Variants in VGLL3 observed in about 807,000 individuals in gnomAD.
VGLL3 encodes the protein vestigial like family member 3.
A neutral mutation model predicts 29.2 loss-of-function variants in VGLL3; 18 were observed. The ratio of observed to expected loss-of-function variants is 0.62; its 90% CI spans 0.43 to 0.91. VGLL3 has a LOEUF of 0.91. Ranked by LOEUF, VGLL3 falls within the 40% of genes least tolerant of loss-of-function variation. The pLI is 0.00. For missense variants in VGLL3, 440 were observed against 413.2 expected, an observed-to-expected ratio of 1.06 and a Z score of -0.56; for synonymous variants, 180 against 151.8, an observed-to-expected ratio of 1.19 and a Z score of -1.36.
At chr3:86,984,997 C>T (rs963092547) in intron 1 of VGLL3, among the ~76,000 whole-genome samples, 1 of 152,092 alleles carries the variant, frequency 6.6e-6, no homozygotes, top group African/African-American at 2.4e-5. Flanking sequence ...TAAAAAAGAA[C>T]TGAAATGGGA....
chr3:86,964,318 T>A (rs1704916079), intron 3 of VGLL3, among the ~76,000 whole-genome samples: 1 of 152,208 alleles, frequency 6.6e-6, no homozygotes, highest in African/African-American at 2.4e-5. Context: ...TCTGTTTCTT[T>A]ACAGAAAAAT....
rs1314487544 is a variant in VGLL3 at position 86,939,854 on chromosome 3, A to T, written c.*7170T>A. Reference sequence around the variant, plus strand: ...AAGGACTCTAGAAGCAGGGAACAGCAAGATTCTCTCTTGGAAGCATCCAGG... The same window carrying T: ...AAGGACTCTAGAAGCAGGGAACAGCTAGATTCTCTCTTGGAAGCATCCAGG... On this transcript the variant is annotated 3_prime_UTR_variant, in exon 4 of 4. Coordinates refer to ENST00000398399, the MANE Select transcript of VGLL3 (RefSeq NM_016206.4). 1 of 152,202 alleles carries T rather than the reference A, an allele frequency of 6.6e-6. No individual in the cohort carries two copies. The highest frequency in any genetic ancestry group is 1.5e-5 in the Non-Finnish European group (1 of 68,036). The allele number at this position is 152,202 out of a possible 1,614,324, so 9.4% of individuals were successfully genotyped here. A position where few individuals can be genotyped will look rare whatever the true frequency, so the allele number is the denominator to read the frequency against.
At chr3:86,979,842 T>G (rs185524312) in intron 1 of VGLL3, among the ~76,000 whole-genome samples, 225 of 152,196 alleles carry the variant, frequency 1.5e-3, no homozygotes, top group Middle Eastern at 3.4e-3. Context: ...TGTGCATACA[T>G]TTGGTGGGGA....
At chr3:86,981,406 G>T (rs1484244614) in intron 1 of VGLL3, among the ~76,000 whole-genome samples, 1 of 151,804 alleles carries the variant, frequency 6.6e-6, no homozygotes, top group Non-Finnish European at 1.5e-5. Flanking sequence ...GTAAGCAAAA[G>T]CTGCCCCTGC....
chr3:86,981,195 T>C (rs1281741794), intron 1 of VGLL3, among the ~76,000 whole-genome samples: 1 of 152,132 alleles, frequency 6.6e-6, no homozygotes, highest in African/African-American at 2.4e-5. Flanking sequence ...ATAGTAGCAA[T>C]CATAAAATAT....
intron 3 of VGLL3, among the ~76,000 whole-genome samples, chr3:86,959,466 G>A (rs1032540065): frequency 4.6e-5 from 7 of 152,022 alleles, no homozygotes; most frequent in Non-Finnish European, 7.4e-5. Flanking sequence ...ATTTTTAGTT[G>A]AGCATCTACA....
At chr3:86,988,816 T>C (rs546672806) in intron 1 of VGLL3, among the ~76,000 whole-genome samples, 20 of 151,900 alleles carry the variant, frequency 1.3e-4, no homozygotes, top group African/African-American at 4.3e-4. Context: ...AGTTGATCAT[T>C]ATGTAACCAA....
intron 3 of VGLL3, chr3:86,961,826 A>G: frequency 1.5e-6 from 1 of 654,278 alleles, no homozygotes; most frequent in Non-Finnish European, 1.9e-6. Context: ...GAAGTGACAA[A>G]GCTAAATGAG....
rs893822277 is a variant in VGLL3 at position 86,941,084 on chromosome 3, A to G, written c.*5940T>C. The G allele has an allele frequency of 6.6e-6, 1 of 152,358 alleles. No homozygotes were observed. The highest frequency in any genetic ancestry group is 2.4e-5 in the African/African-American group (1 of 41,438). 9.4% of individuals were successfully genotyped at this position (152,358 alleles called of 1,614,324 possible). On this transcript the variant is annotated 3_prime_UTR_variant, in exon 4 of 4. Transcript: ENST00000398399. ...AAAGCATTTCACCTTACCTAGATTTATATAATAAAAACAAATTGTATCCAT... is the reference window on the plus strand; with the variant it reads ...AAAGCATTTCACCTTACCTAGATTTGTATAATAAAAACAAATTGTATCCAT...
intron 3 of VGLL3, among the ~76,000 whole-genome samples, chr3:86,967,683 T>C (rs1231642976): frequency 6.6e-6 from 1 of 152,168 alleles, no homozygotes; most frequent in Non-Finnish European, 1.5e-5. Flanking sequence ...CAAAATGTTC[T>C]AGCAAAAGAA....
At chr3:86,958,208 T>C (rs1704764672) in intron 3 of VGLL3, among the ~76,000 whole-genome samples, 1 of 152,156 alleles carries the variant, frequency 6.6e-6, no homozygotes, top group South Asian at 2.1e-4. Flanking sequence ...AACATTTTTG[T>C]ACACATATCA....
At chr3:86,951,520 G>A (rs913378826) in intron 3 of VGLL3, among the ~76,000 whole-genome samples, 6 of 152,178 alleles carry the variant, frequency 3.9e-5, no homozygotes, top group Admixed American at 2.0e-4. Flanking sequence ...ATTTGGGAGA[G>A]ATGTAGTGAT....
intron 1 of VGLL3, among the ~76,000 whole-genome samples, chr3:86,986,404 A>G (rs1705442418): frequency 6.6e-6 from 1 of 152,144 alleles, no homozygotes; most frequent in Non-Finnish European, 1.5e-5. Context: ...CAGAGATAAG[A>G]GTTCAATTAT....
intron 3 of VGLL3, among the ~76,000 whole-genome samples, chr3:86,950,423 G>C (rs1457374775): frequency 6.6e-6 from 1 of 152,124 alleles, no homozygotes; most frequent in East Asian, 1.9e-4. Flanking sequence ...CGCAATCATT[G>C]AGAGAACTAG....
intron 3 of VGLL3, among the ~76,000 whole-genome samples, chr3:86,949,915 G>A (rs967431840): frequency 6.6e-6 from 1 of 152,110 alleles, no homozygotes; most frequent in Non-Finnish European, 1.5e-5. Flanking sequence ...TGGTAGATTG[G>A]AAAAATTAAG....
intron 3 of VGLL3, among the ~76,000 whole-genome samples, chr3:86,955,340 T>C (rs1256766833): frequency 6.6e-6 from 1 of 152,090 alleles, no homozygotes; most frequent in African/African-American, 2.4e-5. Context: ...ATATCAATTC[T>C]TGCATTGACA....
chr3:86,973,265 A>C (rs770525030), intron 2 of VGLL3, among the ~76,000 whole-genome samples: 2 of 152,188 alleles, frequency 1.3e-5, no homozygotes, highest in South Asian at 2.1e-4. Flanking sequence ...ATTTCCAGAA[A>C]ACACATTAGA....
At position 86,974,632 on chromosome 3, in the gene VGLL3, T is replaced by G. The variant is rs187292356; in HGVS notation, c.403+3894A>C. Among the ~76,000 whole-genome samples the G allele has an allele frequency of 1.8e-3, 278 of 152,324 alleles. 2 individuals are homozygous for G. The highest frequency in any genetic ancestry group is 3.2e-3 in the Non-Finnish European group (220 of 68,034). Reference sequence around the variant, plus strand: ...GTATAACCATTCTTTCATTATTAGCTGACACACTATTCTTTGTCTAAAGAT... The same window carrying G: ...GTATAACCATTCTTTCATTATTAGCGGACACACTATTCTTTGTCTAAAGAT... On this transcript the variant is annotated intron_variant, in intron 2 of 3. Coordinates refer to ENST00000398399, the MANE Select transcript of VGLL3 (RefSeq NM_016206.4).
chr3:86,965,880 C>T (rs1350030818), intron 3 of VGLL3, among the ~76,000 whole-genome samples: 2 of 152,198 alleles, frequency 1.3e-5, no homozygotes, highest in Non-Finnish European at 2.9e-5. Context: ...ATCTCTCATT[C>T]TCCAAAGATG....
Sources: gnomAD v4.1 joint callset for allele counts (sites outside exome capture counted in the v4.1 genomes callset) on GRCh38, gnomAD v4.1.1 for gene constraint, MANE v1.5 for transcripts, NCBI Gene and HGNC (gene_info 2026-07-23, HGNC 2026-07-21) for gene names.